The following FBN3 variants were observed in gnomAD, a reference collection of about 807,000 sequenced individuals.
The protein encoded by FBN3 is fibrillin 3.
In FBN3, 234 loss-of-function variants were observed where a neutral mutation model predicts 330.1. The ratio of observed to expected loss-of-function variants is 0.71; its 90% CI spans 0.64 to 0.79. FBN3 has a LOEUF of 0.79. Among genes scored for constraint, FBN3 ranks in the 30% least tolerant of loss-of-function variants. FBN3 has a pLI of 0.00. For missense variants in FBN3, 3,606 were observed against 3,886.9 expected, an observed-to-expected ratio of 0.93 and a Z score of 1.92; for synonymous variants, 1,458 against 1,517.3, an observed-to-expected ratio of 0.96 and a Z score of 0.91.
At chr19:8,139,539 G>A (rs181591959) in intron 8 of FBN3, among the ~76,000 whole-genome samples, 65 of 151,874 alleles carry the variant, frequency 4.3e-4, no homozygotes, top group Non-Finnish European at 6.9e-4. Flanking sequence ...GCAGGGACAC[G>A]GAGATCTGCA....
intron 13 of FBN3, among the ~76,000 whole-genome samples, 158 bp from the exon 14 acceptor site, chr19:8,133,264 G>A (rs993100318): frequency 7.9e-5 from 12 of 151,756 alleles, no homozygotes; most frequent in Admixed American, 7.2e-4. Context: ...TTGTATATTA[G>A]TCCGTCCGCT....
At chr19:8,101,991 A>G (rs902393191) in intron 40 of FBN3, among the ~76,000 whole-genome samples, 6 of 152,228 alleles carry the variant, frequency 3.9e-5, no homozygotes, top group South Asian at 2.1e-4. Flanking sequence ...ACCCGGTGGG[A>G]GGTAACTGAG....
In FBN3 at chr19:8,072,189, GAC is replaced by G; in HGVS notation, c.7945_7946del (p.Val2649LeufsTer22). 6.4e-7 allele frequency: 1 copy of G among 1,551,006 alleles called. No homozygotes were observed. Among genetic ancestry groups the G allele is most frequent in the Non-Finnish European group, 8.7e-7 (1 of 1,150,382 alleles). On this transcript the variant is annotated frameshift_variant, in exon 63 of 64. Transcript: ENST00000600128. LOFTEE classifies it high-confidence loss of function. ...GYFRAGQGHC[V>X]SGLGFSPGPQ... ...GTCCGGGGCTGAAGCCCAGGCCGGA[GAC>G]ACAGTGCCTGGGCCAGGATGGGCAG...
At chr19:8,077,583 G>A (rs1209681135) in intron 59 of FBN3, among the ~76,000 whole-genome samples, 1 of 152,154 alleles carries the variant, frequency 6.6e-6, no homozygotes, top group Non-Finnish European at 1.5e-5. Flanking sequence ...AGGATGCAGT[G>A]AGCCACGATC....
intron 45 of FBN3, 77 bp from the exon 46 acceptor site, chr19:8,095,580 A>T: frequency 6.6e-7 from 1 of 1,512,242 alleles, no homozygotes; most frequent in Non-Finnish European, 9.0e-7. Flanking sequence ...TTCTGTCCAC[A>T]ACTGAGTTGA....
intron 21 of FBN3, 112 bp from the exon 22 acceptor site, chr19:8,126,129 C>T (rs1052486030): frequency 1.6e-4 from 248 of 1,510,392 alleles, no homozygotes; most frequent in Admixed American, 3.8e-5. Context: ...GACGGGGACA[C>T]GGGGACTGGG....
intron 20 of FBN3, 41 bp downstream of exon 20, chr19:8,126,426 CT>C: frequency 6.3e-7 from 1 of 1,598,950 alleles, no homozygotes; most frequent in East Asian, 2.3e-5. Context: ...CCATGGAGGG[CT>C]TTTCCCATGG....
At position 8,129,495 on chromosome 19, in the gene FBN3, C is replaced by G; in HGVS notation, c.2045-130G>C. 1 of 1,221,946 alleles carries G rather than the reference C, an allele frequency of 8.2e-7. No individual in the cohort carries two copies. The highest frequency in any genetic ancestry group is 1.1e-6 in the Non-Finnish European group (1 of 876,086). The allele number at this position is 1,221,946 out of a possible 1,614,324, so 75.7% of individuals were successfully genotyped here. A position where few individuals can be genotyped will look rare whatever the true frequency, so the allele number is the denominator to read the frequency against. ...CCAAGGCCATAGCTCCAGCCCAGAC[C>G]CGGCCTCATTCTGCTCTAAACCGAG... On this transcript the variant is annotated intron_variant, in intron 16 of 63. Coordinates refer to ENST00000600128, the MANE Select transcript of FBN3 (RefSeq NM_032447.5). The surrounding 1 kb of genome is among the most constrained non-coding windows in gnomAD (Gnocchi z 4.5).
At chr19:8,099,048 C>T (rs574584609) in intron 41 of FBN3, among the ~76,000 whole-genome samples, 3 of 151,874 alleles carry the variant, frequency 2.0e-5, no homozygotes, top group African/African-American at 4.8e-5. Context: ...ACAATTTGGA[C>T]GAAAAAAGCA....
At position 8,141,925 on chromosome 19, in the gene FBN3, G is replaced by A. The variant is rs778739083; in HGVS notation, c.739+15C>T. Reference sequence around the variant, plus strand: ...CAGCTAAGGCCTCCCACTCAGCCCTGACCCCACTATTCACCTTGGCAGGCC... The same window carrying A: ...CAGCTAAGGCCTCCCACTCAGCCCTAACCCCACTATTCACCTTGGCAGGCC... On this transcript the variant is annotated intron_variant, in intron 7 of 63. Transcript: ENST00000600128. The A allele has an allele frequency of 5.0e-6, 8 of 1,614,112 alleles. No individual in the cohort carries two copies. In the South Asian group the frequency reaches 8.8e-5, roughly 18 times the overall value.
chr19:8,087,250 G>T, intron 53 of FBN3, 39 bp from the exon 54 acceptor site: 2 of 1,523,616 alleles, frequency 1.3e-6, no homozygotes, highest in Non-Finnish European at 1.8e-6. Context: ...TCAAGGCCAG[G>T]CACCCTATGG....
Position 8,103,630 on chromosome 19 carries a change from G to T in FBN3, c.4871C>A (p.Thr1624Asn). The change falls in exon 39 of 64, where the codon ACC becomes AAC. Residue 1624 changes from threonine (T) to asparagine (N), a missense_variant. Physicochemically the swap from Thr to Asn is moderately conservative, Grantham distance 65. Coordinates refer to ENST00000600128, the MANE Select transcript of FBN3 (RefSeq NM_032447.5). ...GICGPGTCYN[T>N]LGNYTCVCPA... ...GCAGACACAGGTGTAGTTCCCCAGGGTGTTGTAGCAGGTGCCAGGGCCACA... is the reference window on the plus strand; with the variant it reads ...GCAGACACAGGTGTAGTTCCCCAGGTTGTTGTAGCAGGTGCCAGGGCCACA... 6.2e-7 allele frequency: 1 copy of T among 1,613,676 alleles called. No individual in the cohort carries two copies.
At position 8,090,423 on chromosome 19, in the gene FBN3, A is replaced by T. The variant is rs2082068685; in HGVS notation, c.6032-172T>A. ...TGATTGGTTTGAGTATGGACATGTG[A>T]CCTACTCTGGGCCAATGAGGATCTG... On this transcript the variant is annotated intron_variant, in intron 48 of 63. Coordinates refer to ENST00000600128, the MANE Select transcript of FBN3 (RefSeq NM_032447.5). 2.0e-5 allele frequency among the ~76,000 whole-genome samples: 3 copies of T among 150,558 alleles called. No homozygotes were observed. In the South Asian group the frequency reaches 6.3e-4, roughly 32 times the overall value.
At chr19:8,087,396 G>A (rs530987030) in intron 53 of FBN3, among the ~76,000 whole-genome samples, 185 bp from the exon 54 acceptor site, 112 of 152,254 alleles carry the variant, frequency 7.4e-4, no homozygotes, top group African/African-American at 2.6e-3. Flanking sequence ...AAGAAGCTGA[G>A]GGAATCAGGA....
At chr19:8,134,246 T>TAAAA (rs2083224918) in intron 13 of FBN3, among the ~76,000 whole-genome samples, 1 of 24,994 alleles carries the variant, frequency 4.0e-5, no homozygotes, top group African/African-American at 2.0e-4. Flanking sequence ...CATCTCAAAA[T>TAAAA]AAATAAATAA....
rs756961474 is a variant in FBN3 at position 8,109,315 on chromosome 19, G to T, written c.4530C>A (p.Ile1510=). ...GDSGISCSAE[I]GVGVTRASCC... is the part of the protein sequence containing the mutation. ...AGGAAGCTCGGGTGACACCAACTCC[G>T]ATCTCGGCACTGCAGGAAATGCCAC... is the stretch of plus-strand genomic sequence containing the variant. The change falls in exon 36 of 64, where the codon ATC becomes ATA. Residue 1510 remains isoleucine (I), a synonymous_variant. Transcript: ENST00000600128. The surrounding 1 kb of genome is among the most constrained non-coding windows in gnomAD (Gnocchi z 5.2). 1 of 1,614,168 alleles carries T rather than the reference G, an allele frequency of 6.2e-7. No individual in the cohort carries two copies. The highest frequency in any genetic ancestry group is 1.1e-5 in the South Asian group (1 of 91,078).
chr19:8,132,881 A>G, intron 14 of FBN3, 103 bp downstream of exon 14: 1 of 1,276,948 alleles, frequency 7.8e-7, no homozygotes, highest in Non-Finnish European at 1.0e-6. Flanking sequence ...TCCTTCTCTC[A>G]TGCTCGTCCC....
At chr19:8,114,243 T>C (rs544947704) in intron 30 of FBN3, among the ~76,000 whole-genome samples, 58 of 128,258 alleles carry the variant, frequency 4.5e-4, no homozygotes, top group Non-Finnish European at 8.2e-4. Flanking sequence ...AATTTCTTTT[T>C]AATTAAAAAA....
At chr19:8,147,070 T>C (rs868280215) in intron 3 of FBN3, 34 bp downstream of exon 3, 1 of 1,531,848 alleles carries the variant, frequency 6.5e-7, no homozygotes. Context: ...CCCCGGCCTG[T>C]GCCCCCCCAC....
Sources: gnomAD v4.1 joint callset for allele counts (sites outside exome capture counted in the v4.1 genomes callset) on GRCh38, gnomAD v4.1.1 for gene constraint, Gnocchi (gnomAD v3.1) non-coding constraint, MANE v1.5 for transcripts, NCBI Gene and HGNC (gene_info 2026-07-23, HGNC 2026-07-21) for gene names.